Variants in ATP2C2 observed in about 807,000 individuals in gnomAD.
ATP2C2 encodes the protein calcium-transporting ATPase type 2C member 2.
A neutral mutation model predicts 110.8 loss-of-function variants in ATP2C2; 171 were observed. The ratio of observed to expected loss-of-function variants is 1.54; its 90% CI spans 1.36 to 1.75. ATP2C2 has a LOEUF of 1.75. ATP2C2 is among the 40% of genes most tolerant of loss of function. The pLI, the probability that ATP2C2 is intolerant of heterozygous loss-of-function variation, is 0.00. For missense variants in ATP2C2, 1,963 were observed against 1,235.0 expected, an observed-to-expected ratio of 1.59 and a Z score of -8.84; for synonymous variants, 804 against 508.4, an observed-to-expected ratio of 1.58 and a Z score of -7.82.
intron 1 of ATP2C2, among the ~76,000 whole-genome samples, chr16:84,390,952 A>G (rs987990971): frequency 6.6e-6 from 1 of 151,926 alleles, no homozygotes. Context: ...CGTCTCTACT[A>G]AAAATACAAA....
chr16:84,417,919 A>G (rs554188023), intron 7 of ATP2C2, among the ~76,000 whole-genome samples: 1 of 152,346 alleles, frequency 6.6e-6, no homozygotes, highest in African/African-American at 2.4e-5. Context: ...TACATTTTAA[A>G]ACCATTTTGG....
chr16:84,436,911 C>T (rs547633571), intron 11 of ATP2C2, among the ~76,000 whole-genome samples: 3 of 151,820 alleles, frequency 2.0e-5, no homozygotes, highest in South Asian at 2.1e-4. Context: ...TACAGGCATG[C>T]GCCACCACGC....
At chr16:84,425,960 AC>A (rs1393671415) in intron 11 of ATP2C2, 159 bp downstream of exon 11, 16 of 801,662 alleles carry the variant, frequency 2.0e-5, no homozygotes, top group African/African-American at 1.9e-4. Flanking sequence ...ATGTTCTCCG[AC>A]AGGTACAGAG....
chr16:84,399,530 G>A (rs1905194976), intron 2 of ATP2C2, among the ~76,000 whole-genome samples: 1 of 152,164 alleles, frequency 6.6e-6, no homozygotes, highest in South Asian at 2.1e-4. Context: ...CATTATGACT[G>A]ACTCATAAAT....
In ATP2C2 at chr16:84,461,802, G is replaced by A. The variant is rs200271197; in HGVS notation, c.2570G>A (p.Cys857Tyr). 3.1e-6 allele frequency: 5 copies of A among 1,613,964 alleles called. No homozygotes were observed. Among genetic ancestry groups the A allele is most frequent in the African/African-American group, 2.7e-5 (2 of 74,938 alleles). The change falls in exon 25 of 27, where the codon TGC (cysteine) becomes TAC (tyrosine). Residue 857 changes from cysteine to tyrosine, a missense_variant. Coordinates refer to ENST00000262429, the MANE Select transcript of ATP2C2 (RefSeq NM_014861.4). ...VFFDLFNALT[C>Y]RSQTKLIFEI... ...TTCGATCTCTTCAACGCCTTGACCT[G>A]CCGCTCTCAGGTGAGACCCGGGCTG...
chr16:84,379,225 A>C (rs2151398249), intron 1 of ATP2C2, among the ~76,000 whole-genome samples: 1 of 140,896 alleles, frequency 7.1e-6, no homozygotes, highest in Middle Eastern at 3.9e-3. Context: ...TCTGCCATCC[A>C]GGCTGGAGTG....
chr16:84,455,228 G>C lies in ATP2C2; in HGVS notation c.2147+244G>C, dbSNP rs144459326. Among the ~76,000 whole-genome samples the C allele has an allele frequency of 6.2e-3, 946 of 152,184 alleles. 5 individuals are homozygous for C. Among genetic ancestry groups the C allele is most frequent in the Middle Eastern group, 0.027 (8 of 294 alleles). On this transcript the variant is annotated intron_variant, in intron 21 of 26. Transcript: ENST00000262429. ...CATGCTGCCCCCAGGGGAATGTTAC[G>C]GATATGAAGCAGAGATGGGATTTGC... is the stretch of plus-strand genomic sequence containing the variant.
At chr16:84,440,818 G>C in intron 13 of ATP2C2, 39 bp from the exon 14 acceptor site, 2 of 1,525,836 alleles carry the variant, frequency 1.3e-6, no homozygotes, top group Non-Finnish European at 9.0e-7. Flanking sequence ...GCATGTTTTT[G>C]ACTCTTGGCG....
At chr16:84,452,147 G>A (rs1208213336) in intron 18 of ATP2C2, 56 bp downstream of exon 18, 1 of 1,595,230 alleles carries the variant, frequency 6.3e-7, no homozygotes, top group Non-Finnish European at 8.6e-7. Flanking sequence ...CCTTTACGAT[G>A]GGGGGCTGCT....
At chr16:84,448,020 G>A (rs572583128) in intron 16 of ATP2C2, among the ~76,000 whole-genome samples, 85 of 152,050 alleles carry the variant, frequency 5.6e-4, no homozygotes, top group African/African-American at 1.8e-3. Context: ...GCCTCCCCCC[G>A]TGGAGTTCAT....
chr16:84,403,678 T>G (rs1225066513), intron 2 of ATP2C2, among the ~76,000 whole-genome samples: 1 of 152,076 alleles, frequency 6.6e-6, no homozygotes, highest in Non-Finnish European at 1.5e-5. Context: ...ATCGCCATTC[T>G]CTATCTCCAG....
chr16:84,374,986 T>C (rs1240919541), intron 1 of ATP2C2, among the ~76,000 whole-genome samples: 1 of 152,186 alleles, frequency 6.6e-6, no homozygotes. Flanking sequence ...TTGAGAAGGA[T>C]GGTATTCGGA....
At chr16:84,428,748 A>G (rs17814858) in intron 11 of ATP2C2, among the ~76,000 whole-genome samples, 29,728 of 152,224 alleles carry the variant, frequency 0.2, 3,349 homozygotes, top group Non-Finnish European at 0.26. Context: ...TTCAAACCAC[A>G]TCAGAATACC....
intron 2 of ATP2C2, among the ~76,000 whole-genome samples, chr16:84,401,145 G>T (rs535025697): frequency 6.6e-6 from 1 of 150,514 alleles, no homozygotes; most frequent in East Asian, 2.0e-4. Flanking sequence ...TCTTTGCCCA[G>T]TTCAATGTCC....
At position 84,410,707 on chromosome 16, in the gene ATP2C2, T is replaced by A; in HGVS notation, c.457T>A (p.Tyr153Asn). Residue 153 changes from tyrosine to asparagine, a missense_variant, in exon 6 of 27, where the codon TAC becomes AAC. Physicochemically the swap from Tyr to Asn is moderately radical, Grantham distance 143. Transcript: ENST00000262429. ...CATCTGATGTGCTTCCTGCCAGGAGTACAGGTCGGAGAAATCTCTGGAAGA... is the reference window on the plus strand; with the variant it reads ...CATCTGATGTGCTTCCTGCCAGGAGAACAGGTCGGAGAAATCTCTGGAAGA... ...VVVTVAFIQE[Y>N]RSEKSLEELT... The A allele has an allele frequency of 6.2e-7, 1 of 1,613,904 alleles. No individual in the cohort carries two copies. Among genetic ancestry groups the A allele is most frequent in the South Asian group, 1.1e-5 (1 of 91,068 alleles).
In ATP2C2 at chr16:84,459,280, G is replaced by A. The variant is rs373784599; in HGVS notation, c.2227G>A (p.Ala743Thr). 267 of 1,614,184 alleles carry A rather than the reference G, an allele frequency of 1.7e-4. 1 individual carries two copies. The highest frequency in any genetic ancestry group is 2.1e-4 in the Non-Finnish European group (246 of 1,180,024). ...VRFQLSTSIS[A>T]LSLITLSTVF... The stretch of plus-strand genomic sequence containing the variant: ...GCGTGTGCCCCGCAGGAGCATCTCC[G>A]CCCTGAGTCTCATCACTCTGTCCAC... Residue 743 changes from alanine to threonine, a missense_variant, in exon 23 of 27, where the codon GCC (alanine) becomes ACC (threonine). Transcript: ENST00000262429.
intron 23 of ATP2C2, 91 bp from the exon 24 acceptor site, chr16:84,460,563 C>T (rs561372265): frequency 6.3e-7 from 1 of 1,581,804 alleles, no homozygotes; most frequent in East Asian, 2.2e-5. Flanking sequence ...CCTGTGCCAA[C>T]TTGGCCTGGG....
intron 6 of ATP2C2, among the ~76,000 whole-genome samples, chr16:84,411,236 A>G (rs915147780): frequency 2.0e-5 from 3 of 152,204 alleles, no homozygotes; most frequent in Non-Finnish European, 2.9e-5. Context: ...ACTACTCAGC[A>G]GCTGCAACAG....
intron 23 of ATP2C2, chr16:84,460,447 T>G: frequency 1.5e-6 from 1 of 680,794 alleles, no homozygotes; most frequent in Non-Finnish European, 2.6e-6. Flanking sequence ...GCGGGACAGA[T>G]GGAGGGGCAC....
Sources: allele counts gnomAD v4.1 joint callset (sites outside exome capture counted in the v4.1 genomes callset), GRCh38; gene constraint gnomAD v4.1.1; transcripts MANE v1.5; gene names NCBI Gene and HGNC (gene_info 2026-07-23, HGNC 2026-07-21).